PPARGC1A: variants seen among roughly 807,000 people sequenced by gnomAD.
PPARGC1A encodes the protein PPARG coactivator 1 alpha, also known as peroxisome proliferator-activated receptor gamma coactivator 1-alpha.
PPARGC1A carries 25 observed loss-of-function variants against 88.7 expected under a neutral mutation model. The ratio of observed to expected loss-of-function variants is 0.28; its 90% confidence interval spans 0.21 to 0.39. PPARGC1A has a LOEUF of 0.39. Among genes scored for constraint, PPARGC1A ranks in the 10% least tolerant of loss-of-function variants. PPARGC1A has a pLI of 1.00. For missense variants in PPARGC1A, 880 were observed against 968.7 expected (o/e 0.91, Z 1.22); for synonymous variants, 363 against 355.6 (o/e 1.02, Z -0.24).
the PPARGC1A span, among the ~76,000 whole-genome samples, chr4:23,909,954 C>T: frequency 6.6e-6 from 1 of 150,538 alleles, no homozygotes; most frequent in Non-Finnish European, 1.5e-5. Context: ...ATTTGGCTCT[C>T]AACCAGGTGG....
At chr4:24,379,901 C>A in the PPARGC1A span, among the ~76,000 whole-genome samples, 1 of 151,546 alleles carries the variant, frequency 6.6e-6, no homozygotes, top group African/African-American at 2.4e-5. Context: ...GCCTCAGCCT[C>A]CCAAGTAGCT....
the PPARGC1A span, among the ~76,000 whole-genome samples, chr4:23,957,209 C>A: frequency 1.3e-5 from 2 of 152,104 alleles, no homozygotes; most frequent in Non-Finnish European, 2.9e-5. Context: ...TCCTTCTCCC[C>A]TCTCAGCAGT....
At chr4:24,223,891 A>G in the PPARGC1A span, among the ~76,000 whole-genome samples, 2 of 152,366 alleles carry the variant, frequency 1.3e-5, no homozygotes. Flanking sequence ...TAATGTTACT[A>G]TGATATTACA....
At chr4:24,468,251 A>T in the PPARGC1A span, among the ~76,000 whole-genome samples, 1 of 152,232 alleles carries the variant, frequency 6.6e-6, no homozygotes, top group Admixed American at 6.5e-5. Flanking sequence ...GCACAACATC[A>T]AAAGATAAAG....
the PPARGC1A span, among the ~76,000 whole-genome samples, chr4:24,202,985 C>T: frequency 1.3e-5 from 2 of 152,148 alleles, no homozygotes; most frequent in Non-Finnish European, 2.9e-5. Flanking sequence ...GGGTGTCTGC[C>T]ACTCGCCAGA....
chr4:24,134,474 G>C, the PPARGC1A span, among the ~76,000 whole-genome samples: 45 of 152,280 alleles, frequency 3.0e-4, no homozygotes, highest in African/African-American at 1.1e-3. Context: ...ATATGTTTGC[G>C]TGTTCGCAAT....
At chr4:23,946,596 G>A in the PPARGC1A span, among the ~76,000 whole-genome samples, 1 of 152,038 alleles carries the variant, frequency 6.6e-6, no homozygotes, top group African/African-American at 2.4e-5. Context: ...ATATTAGTAG[G>A]AAGAACAGCA....
the PPARGC1A span, among the ~76,000 whole-genome samples, chr4:24,424,377 G>A: frequency 7.2e-6 from 1 of 138,302 alleles, no homozygotes; most frequent in Non-Finnish European, 1.5e-5. Flanking sequence ...CCGGGTTCAC[G>A]CCATTCTCCT....
the PPARGC1A span, among the ~76,000 whole-genome samples, chr4:24,212,161 A>T: frequency 6.6e-6 from 1 of 152,162 alleles, no homozygotes; most frequent in Admixed American, 6.5e-5. Context: ...CTCAAACCAC[A>T]TCTCTCATGT....
intron 2 of PPARGC1A, 131 bp downstream of exon 2, chr4:23,884,621 A>T: frequency 1.4e-6 from 1 of 704,696 alleles, no homozygotes; most frequent in Non-Finnish European, 2.1e-6. Flanking sequence ...ATTAGAAAGT[A>T]TGTAACTGTG....
chr4:23,852,629 GT>G (rs936235315), intron 2 of PPARGC1A, among the ~76,000 whole-genome samples: 1 of 150,386 alleles, frequency 6.6e-6, no homozygotes, highest in East Asian at 1.9e-4. Context: ...AGTTTTCTCC[GT>G]TTTTTTTTCT....
chr4:24,032,335 G>A, the PPARGC1A span, among the ~76,000 whole-genome samples: 2 of 152,178 alleles, frequency 1.3e-5, no homozygotes, highest in Non-Finnish European at 2.9e-5. Flanking sequence ...CAGACCAACT[G>A]CAGAGACAGA....
intron 2 of PPARGC1A, among the ~76,000 whole-genome samples, chr4:23,843,989 G>A (rs1043101929): frequency 6.6e-6 from 1 of 151,360 alleles, no homozygotes; most frequent in African/African-American, 2.4e-5. Flanking sequence ...ATATAAACAT[G>A]CATATTTATG....
the PPARGC1A span, among the ~76,000 whole-genome samples, chr4:23,922,749 A>T: frequency 6.6e-6 from 1 of 152,188 alleles, no homozygotes; most frequent in African/African-American, 2.4e-5. Context: ...GTGGCTAAGG[A>T]GGGATAAATA....
chr4:23,945,016 C>T, the PPARGC1A span, among the ~76,000 whole-genome samples: 2 of 152,250 alleles, frequency 1.3e-5, no homozygotes, highest in South Asian at 2.1e-4. Context: ...TGAGCCTCAG[C>T]TTCCTGATCT....
the PPARGC1A span, among the ~76,000 whole-genome samples, chr4:24,348,546 A>C: frequency 2.0e-5 from 3 of 152,148 alleles, no homozygotes; most frequent in Non-Finnish European, 2.9e-5. Flanking sequence ...GTTAATTCAA[A>C]TACCTTGTCT....
the PPARGC1A span, among the ~76,000 whole-genome samples, chr4:24,104,201 T>C: frequency 8.3e-4 from 126 of 152,318 alleles, no homozygotes; most frequent in African/African-American, 2.9e-3. Context: ...TCCTTAACAG[T>C]AGAGTGGGCG....
At chr4:24,439,518 G>A in the PPARGC1A span, among the ~76,000 whole-genome samples, 1 of 152,090 alleles carries the variant, frequency 6.6e-6, no homozygotes, top group East Asian at 1.9e-4. Context: ...GTCATTCAAG[G>A]AGTACCCACT....
the PPARGC1A span, among the ~76,000 whole-genome samples, chr4:24,040,808 T>C: frequency 7.2e-5 from 11 of 152,346 alleles, no homozygotes; most frequent in South Asian, 2.3e-3. Flanking sequence ...TGTGCTCATA[T>C]GCTATCTCCT....
Sources: allele counts gnomAD v4.1 joint callset (sites outside exome capture counted in the v4.1 genomes callset), GRCh38; gene constraint gnomAD v4.1.1; transcripts MANE v1.5; gene names NCBI Gene and HGNC (gene_info 2026-07-23, HGNC 2026-07-21).